SPG11: variants seen among roughly 807,000 people sequenced by gnomAD.
SPG11 encodes spatacsin.
Under a neutral mutation model 274.0 loss-of-function variants are expected in SPG11, and 222 were observed. The observed-to-expected ratio is 0.81, with a 90% CI of 0.73 to 0.91. The LOEUF (loss-of-function observed/expected upper bound fraction) is 0.91. Ranked by LOEUF, SPG11 falls within the 40% of genes least tolerant of loss-of-function variation. SPG11 has a pLI of 0.00. For synonymous variants in SPG11, 1,144 were observed against 1,039.7 expected, an observed-to-expected ratio of 1.10 and a Z score of -1.93; for missense variants, 3,114 against 2,872.7, an observed-to-expected ratio of 1.08 and a Z score of -1.92.
At chr15:44,576,475 C>T (rs907731015) in intron 30 of SPG11, among the ~76,000 whole-genome samples, 6 of 151,806 alleles carry the variant, frequency 4.0e-5, no homozygotes, top group South Asian at 2.1e-4. Flanking sequence ...GGTGAAACCC[C>T]GTCTCTACTA....
chr15:44,599,222 A>G (rs750794287), intron 21 of SPG11, among the ~76,000 whole-genome samples: 1 of 152,228 alleles, frequency 6.6e-6, no homozygotes, highest in Non-Finnish European at 1.5e-5. Context: ...ATCATGAAGC[A>G]CATTTAAAAA....
chr15:44,567,539 T>C lies in SPG11; in HGVS notation c.6639A>G (p.Gly2213=), dbSNP rs149448134. 3.1e-6 allele frequency: 5 copies of C among 1,613,750 alleles called. No homozygotes were observed. The African/African-American group carries it at 6.7e-5, about 22-fold the overall frequency. Residue 2213 remains glycine (G), a synonymous_variant, in exon 36 of 40, where the codon GGA becomes GGG. Coordinates refer to ENST00000261866, the MANE Select transcript of SPG11 (RefSeq NM_025137.4). ...LLDYIKRCRP[G]DSEKHNMIAL... ...CAATCATATTGTGCTTTTCACTGTC[T>C]CCAGGACGGCAGCGTTTGATGTAGT...
At chr15:44,564,181 C>A (rs902386416) in intron 39 of SPG11, among the ~76,000 whole-genome samples, 6 of 152,028 alleles carry the variant, frequency 3.9e-5, no homozygotes, top group African/African-American at 1.4e-4. Context: ...TTAGTAGAGA[C>A]AGGGTTTCAC....
At chr15:44,587,697 A>AAAAAAAAAAAAAAAAC (rs2082799366) in intron 28 of SPG11, among the ~76,000 whole-genome samples, 1 of 143,816 alleles carries the variant, frequency 7.0e-6, no homozygotes, top group African/African-American at 2.7e-5. Flanking sequence ...CTGTCTCAAA[A>AAAAAAAAAAAAAAAAC]AAAAAAAAAA....
intron 15 of SPG11, among the ~76,000 whole-genome samples, chr15:44,616,555 T>G (rs1157072375): frequency 6.6e-6 from 1 of 152,146 alleles, no homozygotes; most frequent in Non-Finnish European, 1.5e-5. Flanking sequence ...TAATTTAAGG[T>G]TTTACCTATT....
rs1050508990 is a variant in SPG11, at chr15:44,567,449, C to T, written c.6729G>A (p.Leu2243=). Residue 2243 remains leucine, a synonymous_variant, in exon 36 of 40, where the codon CTG becomes CTA. Coordinates refer to ENST00000261866, the MANE Select transcript of SPG11 (RefSeq NM_025137.4). ...ENHEAAARIQ[L]KLIESQPWED... is the part of the protein sequence containing the mutation. ...CCCAGGGCTGAGACTCAATCAATTT[C>T]AGTTGGATGCGGGCAGCTGCCTCGT... The T allele has an allele frequency of 6.8e-6, 11 of 1,613,122 alleles. No individual in the cohort carries two copies. The African/African-American group carries it at 1.2e-4, about 18-fold the overall frequency.
At chr15:44,637,666 C>G (rs1334754994) in intron 7 of SPG11, among the ~76,000 whole-genome samples, 1 of 152,184 alleles carries the variant, frequency 6.6e-6, no homozygotes, top group Non-Finnish European at 1.5e-5. Context: ...ACTGAGTAGT[C>G]ATGTGCCACA....
chr15:44,609,982 A>C (rs1463137968), intron 18 of SPG11, among the ~76,000 whole-genome samples: 1 of 145,312 alleles, frequency 6.9e-6, no homozygotes, highest in African/African-American at 2.6e-5. Context: ...AGCTCACTGC[A>C]ACCTCTGCCC....
chr15:44,639,932 C>T (rs773739684), intron 7 of SPG11, among the ~76,000 whole-genome samples: 4 of 151,988 alleles, frequency 2.6e-5, no homozygotes, highest in Non-Finnish European at 5.9e-5. Context: ...CACTTAGGGT[C>T]GGGCATGGTG....
rs75210501 is a variant in SPG11, at chr15:44,570,428, C to T, written c.6477+97G>A. 3.8e-3 allele frequency: 5,694 copies of T among 1,499,380 alleles called. 172 individuals carry two copies. In the African/African-American group the frequency reaches 0.068, roughly 18 times the overall value. The allele number at this position is 1,499,380 out of a possible 1,614,324, so 92.9% of individuals were successfully genotyped here. The stretch of plus-strand genomic sequence containing the variant: ...GTAGTGGTATCCAGATGGGCAGAAC[C>T]CCCTACGACTACATCAGCTCTGGGC... On this transcript the variant is annotated intron_variant, in intron 34 of 39. Transcript: ENST00000261866.
chr15:44,623,985 C>T (rs2083826252), intron 11 of SPG11, among the ~76,000 whole-genome samples: 1 of 152,030 alleles, frequency 6.6e-6, no homozygotes, highest in African/African-American at 2.4e-5. Flanking sequence ...GTCTCAAACT[C>T]CTGCTTCAAA....
intron 7 of SPG11, among the ~76,000 whole-genome samples, chr15:44,638,704 A>G (rs370882457): frequency 2.6e-5 from 4 of 151,976 alleles, no homozygotes; most frequent in African/African-American, 9.6e-5. Flanking sequence ...TTGCTTGATA[A>G]TTATTTGTTG....
chr15:44,651,454 C>T (rs775231470), intron 6 of SPG11, 37 bp downstream of exon 6: 3 of 1,572,518 alleles, frequency 1.9e-6, no homozygotes, highest in Non-Finnish European at 2.6e-6. Context: ...GCATACATCT[C>T]AGCAATGGAT....
chr15:44,570,027 C>G (rs71478333), intron 34 of SPG11, among the ~76,000 whole-genome samples: 6 of 152,142 alleles, frequency 3.9e-5, no homozygotes, highest in Admixed American at 6.6e-5. Flanking sequence ...TTAAATGTGA[C>G]TCTCAAGTGC....
At chr15:44,597,811 T>C (rs2083082836) in intron 23 of SPG11, among the ~76,000 whole-genome samples, 1 of 152,214 alleles carries the variant, frequency 6.6e-6, no homozygotes, top group Non-Finnish European at 1.5e-5. Context: ...ATACGGTCAC[T>C]TCAGCTTCCA....
intron 32 of SPG11, chr15:44,573,238 G>C: frequency 1.8e-6 from 1 of 544,378 alleles, no homozygotes. Flanking sequence ...GCCAGCCTTG[G>C]CCTCCCAAAG....
chr15:44,585,557 G>T, intron 29 of SPG11, 79 bp downstream of exon 29: 1 of 1,184,640 alleles, frequency 8.4e-7, no homozygotes, highest in Non-Finnish European at 1.2e-6. Context: ...AGCGGAGATC[G>T]CGCCACTGCA....
intron 20 of SPG11, among the ~76,000 whole-genome samples, chr15:44,601,861 A>G (rs2083199522): frequency 1.3e-5 from 2 of 152,128 alleles, no homozygotes; most frequent in Admixed American, 1.3e-4. Flanking sequence ...CACTGTGTCC[A>G]GCCAGCCACC....
intron 18 of SPG11, among the ~76,000 whole-genome samples, chr15:44,610,454 C>T (rs945550624): frequency 6.6e-6 from 1 of 152,150 alleles, no homozygotes; most frequent in Non-Finnish European, 1.5e-5. Context: ...ACAATCTCAG[C>T]TCACTGCAAC....
Sources: allele counts gnomAD v4.1 joint callset (sites outside exome capture counted in the v4.1 genomes callset), GRCh38; gene constraint gnomAD v4.1.1; transcripts MANE v1.5; gene names NCBI Gene and HGNC (gene_info 2026-07-23, HGNC 2026-07-21).